LRRC8D: variants seen among roughly 807,000 people sequenced by gnomAD.
The protein encoded by LRRC8D is leucine rich repeat containing 8 VRAC subunit D, also known as volume-regulated anion channel subunit LRRC8D.
Under a neutral mutation model 55.8 loss-of-function variants are expected in LRRC8D, and 20 were observed. The ratio of observed to expected loss-of-function variants is 0.36; its 90% confidence interval spans 0.25 to 0.52. The LOEUF (loss-of-function observed/expected upper bound fraction) is 0.52. Ranked by LOEUF, LRRC8D falls within the 20% of genes least tolerant of loss-of-function variation. The probability of loss-of-function intolerance (pLI) is 0.93; values close to 1 mark genes in which losing one functional copy is unlikely to be tolerated. For missense variants in LRRC8D, 651 were observed against 1,030.8 expected, an observed-to-expected ratio of 0.63 and a Z score of 5.05; for synonymous variants, 352 against 377.0, an observed-to-expected ratio of 0.93 and a Z score of 0.77.
At chr1:89,897,924 A>T (rs1038903896) in intron 2 of LRRC8D, among the ~76,000 whole-genome samples, 13 of 152,142 alleles carry the variant, frequency 8.5e-5, no homozygotes, top group Admixed American at 2.0e-4. Flanking sequence ...AGTGCCTGGT[A>T]CAGGGAAGGA....
chr1:89,889,336 C>A (rs917813103), intron 2 of LRRC8D, among the ~76,000 whole-genome samples: 8 of 151,946 alleles, frequency 5.3e-5, no homozygotes, highest in Non-Finnish European at 1.0e-4. Context: ...CCAAAAGGAA[C>A]CTAAGGAGAT....
intron 2 of LRRC8D, among the ~76,000 whole-genome samples, chr1:89,887,655 C>G (rs1662456343): frequency 6.6e-6 from 1 of 152,164 alleles, no homozygotes; most frequent in African/African-American, 2.4e-5. Context: ...GGTAATCTAA[C>G]CTTTTTTTTT....
intron 2 of LRRC8D, among the ~76,000 whole-genome samples, chr1:89,885,868 A>G (rs2100862450): frequency 6.6e-6 from 1 of 152,316 alleles, no homozygotes; most frequent in East Asian, 1.9e-4. Flanking sequence ...AGTCATTTTA[A>G]GTTCACTCCC....
Position 89,883,187 on chromosome 1 carries a change from G to A in LRRC8D, c.-3+39405G>A, listed in dbSNP as rs77769260. ...ACTGCACTTTCACCGGGGCAGCTTAGTGAGACCCCCATCCCTCAAAATACG... is the reference window on the plus strand; with the variant it reads ...ACTGCACTTTCACCGGGGCAGCTTAATGAGACCCCCATCCCTCAAAATACG... On this transcript the variant is annotated intron_variant, in intron 2 of 2. Coordinates refer to ENST00000337338, the MANE Select transcript of LRRC8D (RefSeq NM_001134479.2). 1.0e-2 allele frequency among the ~76,000 whole-genome samples: 1,517 copies of A among 152,120 alleles called. 23 individuals are homozygous for A. The highest frequency in any genetic ancestry group is 0.034 in the African/African-American group (1,416 of 41,452).
intron 2 of LRRC8D, among the ~76,000 whole-genome samples, chr1:89,855,173 G>A (rs765873794): frequency 2.1e-4 from 32 of 152,130 alleles, no homozygotes; most frequent in Admixed American, 6.5e-5. Flanking sequence ...GTATTCAGAG[G>A]ATCTTACCTT....
intron 2 of LRRC8D, among the ~76,000 whole-genome samples, chr1:89,900,133 G>A (rs1288280266): frequency 6.6e-6 from 1 of 152,136 alleles, no homozygotes; most frequent in East Asian, 1.9e-4. Context: ...CTGGGTTATT[G>A]GTGTAGAGAT....
In LRRC8D at chr1:89,826,225, C is replaced by T. The variant is rs1017078832; in HGVS notation, c.-148+4934C>T. On this transcript the variant is annotated intron_variant, in intron 1 of 2. Coordinates refer to ENST00000337338, the MANE Select transcript of LRRC8D (RefSeq NM_001134479.2). ...ACTTTGAATAGAAAGAATATTATAG[C>T]TGGAAGGGATCAACCCTTAAATTTT... Among the ~76,000 whole-genome samples, 9 of 151,120 alleles carry T rather than the reference C, an allele frequency of 6.0e-5. No individual in the cohort carries two copies. In the South Asian group the frequency reaches 1.5e-3, roughly 25 times the overall value.
chr1:89,832,535 CT>C (rs1345559665), intron 1 of LRRC8D, among the ~76,000 whole-genome samples: 1 of 152,140 alleles, frequency 6.6e-6, no homozygotes, highest in African/African-American at 2.4e-5. Flanking sequence ...CTATTTGTTA[CT>C]TTAGTGCAGT....
At chr1:89,839,091 TAAAAG>T (rs889516094) in intron 1 of LRRC8D, among the ~76,000 whole-genome samples, 1 of 152,162 alleles carries the variant, frequency 6.6e-6, no homozygotes, top group African/African-American at 2.4e-5. Context: ...TCTATTCAAT[TAAAAG>T]AAGGAAGAAC....
chr1:89,899,159 T>C (rs1224222077), intron 2 of LRRC8D, among the ~76,000 whole-genome samples: 2 of 152,178 alleles, frequency 1.3e-5, no homozygotes, highest in African/African-American at 4.8e-5. Flanking sequence ...GTCCACTAAG[T>C]TGGTACCTCC....
chr1:89,851,718 C>G (rs749308270), intron 2 of LRRC8D, among the ~76,000 whole-genome samples: 1 of 152,064 alleles, frequency 6.6e-6, no homozygotes, highest in Non-Finnish European at 1.5e-5. Context: ...CCATGTTGCG[C>G]AGGCTGGTCT....
intron 2 of LRRC8D, among the ~76,000 whole-genome samples, chr1:89,860,791 T>C (rs1357995920): frequency 1.2e-5 from 1 of 84,930 alleles, no homozygotes; most frequent in African/African-American, 4.9e-5. Context: ...AAAAAATATA[T>C]ATATATATAT....
intron 1 of LRRC8D, among the ~76,000 whole-genome samples, chr1:89,831,911 G>A (rs1660895870): frequency 2.0e-5 from 3 of 152,174 alleles, no homozygotes; most frequent in Admixed American, 2.0e-4. Context: ...CTATGACATT[G>A]AGCGGGTATA....
intron 2 of LRRC8D, among the ~76,000 whole-genome samples, chr1:89,889,197 T>C (rs928639789): frequency 2.6e-5 from 4 of 152,182 alleles, no homozygotes; most frequent in Admixed American, 6.5e-5. Context: ...AAACCTATAA[T>C]TTCAGGCTAA....
In LRRC8D at chr1:89,855,203, C is replaced by T. The variant is rs146843670; in HGVS notation, c.-3+11421C>T. On this transcript the variant is annotated intron_variant, in intron 2 of 2. Coordinates refer to ENST00000337338, the MANE Select transcript of LRRC8D (RefSeq NM_001134479.2). ...TACCTTAAGAGTCCTTTCTCCTTTCCGTTTCCATCACTGCACCTTGAATGT... is the reference window on the plus strand; with the variant it reads ...TACCTTAAGAGTCCTTTCTCCTTTCTGTTTCCATCACTGCACCTTGAATGT... Among the ~76,000 whole-genome samples, 420 of 152,246 alleles carry T rather than the reference C, an allele frequency of 2.8e-3. 2 individuals carry two copies. The highest frequency in any genetic ancestry group is 9.7e-3 in the African/African-American group (401 of 41,542).
chr1:89,824,572 A>G (rs1660720640), intron 1 of LRRC8D, among the ~76,000 whole-genome samples: 1 of 152,114 alleles, frequency 6.6e-6, no homozygotes, highest in Non-Finnish European at 1.5e-5. Flanking sequence ...TTGTATTTTT[A>G]CTTGAGCTGA....
At chr1:89,827,343 CAAAA>C (rs35690511) in intron 1 of LRRC8D, among the ~76,000 whole-genome samples, 5 of 105,038 alleles carry the variant, frequency 4.8e-5, no homozygotes, top group Admixed American at 9.7e-5. Context: ...GAGACTGTCT[CAAAA>C]AAAAAAAAAA....
At chr1:89,914,282 C>G (rs1222910374) in intron 2 of LRRC8D, among the ~76,000 whole-genome samples, 1 of 152,202 alleles carries the variant, frequency 6.6e-6, no homozygotes, top group Non-Finnish European at 1.5e-5. Flanking sequence ...CACGCCCACC[C>G]GGAACTCCAG....
chr1:89,868,459 A>C (rs1234224446), intron 2 of LRRC8D, among the ~76,000 whole-genome samples: 1 of 152,198 alleles, frequency 6.6e-6, no homozygotes, highest in Non-Finnish European at 1.5e-5. Flanking sequence ...CAACACATGC[A>C]TGAAAGGTAT....
Sources: allele counts gnomAD v4.1 joint callset (sites outside exome capture counted in the v4.1 genomes callset), GRCh38; gene constraint gnomAD v4.1.1; transcripts MANE v1.5; gene names NCBI Gene and HGNC (gene_info 2026-07-23, HGNC 2026-07-21).